The following TRPM3 variants were observed in gnomAD, a reference collection of about 807,000 sequenced individuals.
TRPM3 encodes the protein long transient receptor potential channel 3.
Under a neutral mutation model 181.2 loss-of-function variants are expected in TRPM3, and 77 were observed. The ratio of observed to expected loss-of-function variants is 0.42; its 90% confidence interval spans 0.35 to 0.51. The LOEUF (loss-of-function observed/expected upper bound fraction) is 0.51. Ranked by LOEUF, TRPM3 falls within the 20% of genes least tolerant of loss-of-function variation. The pLI is 0.01. For missense variants in TRPM3, 1,759 were observed against 2,196.7 expected (o/e 0.80, Z 3.98); for synonymous variants, 745 against 796.4 (o/e 0.94, Z 1.09).
intron 8 of TRPM3, among the ~76,000 whole-genome samples, chr9:70,691,294 A>T (rs1037714232): frequency 6.6e-6 from 1 of 152,242 alleles, no homozygotes; most frequent in African/African-American, 2.4e-5. Context: ...AGTATGTCTT[A>T]TAAGACTTTC....
chr9:70,580,317 T>G, intron 22 of TRPM3, among the ~76,000 whole-genome samples: 1 of 152,182 alleles, frequency 6.6e-6, no homozygotes, highest in East Asian at 1.9e-4. Flanking sequence ...TCCAAATCCC[T>G]TAGCCTGACA....
intron 1 of TRPM3, among the ~76,000 whole-genome samples, chr9:71,248,835 G>A (rs1327146017): frequency 6.6e-6 from 1 of 152,114 alleles, no homozygotes; most frequent in East Asian, 1.9e-4. Context: ...TGTGTTTTGT[G>A]GAAGCAGGGG....
chr9:70,830,611 TAA>T (rs1178386048), intron 5 of TRPM3, among the ~76,000 whole-genome samples: 3 of 152,344 alleles, frequency 2.0e-5, no homozygotes, highest in Non-Finnish European at 4.4e-5. Flanking sequence ...GAAAAATAAG[TAA>T]AGTGTCCTAA....
chr9:70,560,946 A>C (rs996614152), intron 22 of TRPM3, among the ~76,000 whole-genome samples: 2 of 152,202 alleles, frequency 1.3e-5, no homozygotes, highest in Non-Finnish European at 2.9e-5. Flanking sequence ...TAATATGCAC[A>C]CCATCTTGTC....
intron 1 of TRPM3, among the ~76,000 whole-genome samples, chr9:70,925,849 C>T (rs1282911691): frequency 6.6e-6 from 1 of 151,998 alleles, no homozygotes; most frequent in African/African-American, 2.4e-5. Context: ...AGAACATCCT[C>T]TTTCCTGGGT....
intron 22 of TRPM3, among the ~76,000 whole-genome samples, chr9:70,565,124 T>C (rs2050205868): frequency 6.6e-6 from 1 of 152,210 alleles, no homozygotes; most frequent in Non-Finnish European, 1.5e-5. Flanking sequence ...TGGGACTATG[T>C]GTCCAAATGT....
At chr9:71,329,818 G>A (rs2089982819) in intron 1 of TRPM3, among the ~76,000 whole-genome samples, 1 of 152,114 alleles carries the variant, frequency 6.6e-6, no homozygotes, top group African/African-American at 2.4e-5. Flanking sequence ...TTATGATTCT[G>A]AAATTCTATT....
At chr9:70,878,011 G>A (rs563982533) in intron 1 of TRPM3, among the ~76,000 whole-genome samples, 107 of 151,916 alleles carry the variant, frequency 7.0e-4, no homozygotes, top group Non-Finnish European at 1.4e-3. Flanking sequence ...AATGCCACAT[G>A]ACACACTGAT....
intron 1 of TRPM3, among the ~76,000 whole-genome samples, chr9:70,983,828 G>C (rs563597688): frequency 6.6e-6 from 1 of 152,298 alleles, no homozygotes; most frequent in South Asian, 2.1e-4. Flanking sequence ...TGGCTGTTTA[G>C]AGCCTATTGT....
intron 1 of TRPM3, among the ~76,000 whole-genome samples, chr9:71,189,504 A>G (rs2077879966): frequency 6.6e-6 from 1 of 151,784 alleles, no homozygotes; most frequent in African/African-American, 2.4e-5. Flanking sequence ...CAAAGACAGG[A>G]TTATTTGCAT....
intron 1 of TRPM3, among the ~76,000 whole-genome samples, chr9:71,310,349 A>C (rs190905009): frequency 6.6e-6 from 1 of 152,114 alleles, no homozygotes; most frequent in Non-Finnish European, 1.5e-5. Context: ...CATTTCATGA[A>C]GGGTGATTTA....
At chr9:71,112,993 T>C (rs2071477117) in intron 1 of TRPM3, among the ~76,000 whole-genome samples, 1 of 152,092 alleles carries the variant, frequency 6.6e-6, no homozygotes, top group Non-Finnish European at 1.5e-5. Flanking sequence ...AAAAACAAGG[T>C]AAGAAGGCAG....
intron 1 of TRPM3, among the ~76,000 whole-genome samples, chr9:71,033,037 C>A (rs2057730608): frequency 6.6e-6 from 1 of 152,190 alleles, no homozygotes; most frequent in Non-Finnish European, 1.5e-5. Flanking sequence ...ACTCTTTTGG[C>A]ACCTATCTGA....
intron 1 of TRPM3, among the ~76,000 whole-genome samples, chr9:70,950,625 C>A (rs952843060): frequency 6.6e-6 from 1 of 152,122 alleles, no homozygotes. Flanking sequence ...AGTGAATGGG[C>A]AGAGACAGGT....
chr9:71,099,495 T>G (rs1025418110), intron 1 of TRPM3, among the ~76,000 whole-genome samples: 1 of 152,160 alleles, frequency 6.6e-6, no homozygotes, highest in African/African-American at 2.4e-5. Flanking sequence ...AATCCTCGCC[T>G]CCTTTAAGTG....
intron 1 of TRPM3, among the ~76,000 whole-genome samples, chr9:71,422,935 C>A (rs951271730): frequency 2.6e-5 from 4 of 152,026 alleles, no homozygotes; most frequent in Non-Finnish European, 5.9e-5. Context: ...ACTTTACAAG[C>A]CCCACACACT....
At chr9:70,586,650 C>T (rs1274181997) in intron 22 of TRPM3, among the ~76,000 whole-genome samples, 2 of 152,214 alleles carry the variant, frequency 1.3e-5, no homozygotes, top group Non-Finnish European at 2.9e-5. Flanking sequence ...GCAACACTCC[C>T]CACGCTATAG....
At chr9:70,886,457 G>A (rs2132765876) in intron 1 of TRPM3, among the ~76,000 whole-genome samples, 1 of 152,046 alleles carries the variant, frequency 6.6e-6, no homozygotes, top group South Asian at 2.1e-4. Context: ...ACTTTATATT[G>A]TACAACAAAT....
chr9:71,249,871 G>T (rs183990357), intron 1 of TRPM3, among the ~76,000 whole-genome samples: 2 of 152,258 alleles, frequency 1.3e-5, no homozygotes, highest in East Asian at 3.9e-4. Context: ...TGAAAACAAC[G>T]GAGAGATGCC....
Sources: allele counts gnomAD v4.1 joint callset (sites outside exome capture counted in the v4.1 genomes callset), GRCh38; gene constraint gnomAD v4.1.1; transcripts MANE v1.5; gene names NCBI Gene and HGNC (gene_info 2026-07-23, HGNC 2026-07-21).